Variants in ERLIN1 observed in about 807,000 individuals in gnomAD.
ERLIN1 encodes the protein erlin-1.
ERLIN1 carries 24 observed loss-of-function variants against 46.9 expected under a neutral mutation model. The ratio of observed to expected loss-of-function variants is 0.51; its 90% CI spans 0.37 to 0.72. The LOEUF (loss-of-function observed/expected upper bound fraction) is 0.72, where lower values mean the gene tolerates loss of function less well. Ranked by LOEUF, ERLIN1 falls within the 30% of genes least tolerant of loss-of-function variation. ERLIN1 has a pLI of 0.00. For synonymous variants in ERLIN1, 158 were observed against 143.2 expected, an observed-to-expected ratio of 1.10 and a Z score of -0.74; for missense variants, 293 against 417.9, an observed-to-expected ratio of 0.70 and a Z score of 2.61.
chr10:100,168,884 G>A (rs12266484), intron 6 of ERLIN1, among the ~76,000 whole-genome samples: 11,350 of 151,982 alleles, frequency 0.075, 762 homozygotes, highest in African/African-American at 0.17. Flanking sequence ...GGGTTTCACT[G>A]TGTTGGTCAA....
At chr10:100,155,079 C>G (rs1198586135) in intron 9 of ERLIN1, 140 bp from the exon 10 acceptor site, 2 of 648,340 alleles carry the variant, frequency 3.1e-6, no homozygotes, top group Non-Finnish European at 5.4e-6. Context: ...GTCCCAGTCC[C>G]CAAACAGCAA....
intron 5 of ERLIN1, 49 bp downstream of exon 5, chr10:100,175,896 C>A: frequency 1.3e-6 from 2 of 1,565,890 alleles, no homozygotes; most frequent in Non-Finnish European, 1.7e-6. Flanking sequence ...GTAAGCTGAA[C>A]AAAGATTTCC....
chr10:100,162,094 T>C (rs913761507), intron 8 of ERLIN1, among the ~76,000 whole-genome samples: 1 of 152,090 alleles, frequency 6.6e-6, no homozygotes, highest in African/African-American at 2.4e-5. Flanking sequence ...ATCGAAGACA[T>C]TGTAAAGTTC....
chr10:100,162,913 T>C (rs917839035), intron 8 of ERLIN1, among the ~76,000 whole-genome samples: 2 of 152,194 alleles, frequency 1.3e-5, no homozygotes, highest in Non-Finnish European at 2.9e-5. Context: ...ATGTACACTG[T>C]ATCCAGGAGG....
intron 6 of ERLIN1, among the ~76,000 whole-genome samples, chr10:100,169,796 T>C (rs1252912401): frequency 6.6e-6 from 1 of 152,160 alleles, no homozygotes. Context: ...TATTGGAGGA[T>C]TGCATGAGGC....
chr10:100,184,310 G>A (rs1300102620), intron 1 of ERLIN1, among the ~76,000 whole-genome samples: 1 of 151,962 alleles, frequency 6.6e-6, no homozygotes, highest in East Asian at 1.9e-4. Context: ...TATCTACAAG[G>A]TAATTAAAAT....
chr10:100,173,779 A>G lies in ERLIN1; in HGVS notation c.504+429T>C, dbSNP rs370655671. 2.6e-5 allele frequency among the ~76,000 whole-genome samples: 4 copies of G among 152,184 alleles called. No homozygotes were observed. The East Asian group carries it at 7.7e-4, about 29-fold the overall frequency. On this transcript the variant is annotated intron_variant, in intron 6 of 10. Transcript: ENST00000421367. Reference sequence around the variant, plus strand: ...ACACACTGTCTTCCAATGTTCTCTTACTCTTACAGCAATAATCATTCAATA... The same window carrying G: ...ACACACTGTCTTCCAATGTTCTCTTGCTCTTACAGCAATAATCATTCAATA...
chr10:100,177,253 C>T (rs1179594278), intron 4 of ERLIN1, among the ~76,000 whole-genome samples: 1 of 152,010 alleles, frequency 6.6e-6, no homozygotes, highest in African/African-American at 2.4e-5. Flanking sequence ...ATCATCAGTC[C>T]CTTCCCTTTT....
intron 7 of ERLIN1, among the ~76,000 whole-genome samples, chr10:100,164,784 T>G (rs1261756500): frequency 6.6e-6 from 1 of 152,134 alleles, no homozygotes; most frequent in Non-Finnish European, 1.5e-5. Context: ...AAGGTAAACT[T>G]TGTTTCATGC....
chr10:100,154,736 G>T, intron 10 of ERLIN1, 124 bp downstream of exon 10: 1 of 720,050 alleles, frequency 1.4e-6, no homozygotes. Flanking sequence ...AATTCTGGAG[G>T]ATGTCTTGGT....
intron 9 of ERLIN1, among the ~76,000 whole-genome samples, chr10:100,155,514 A>T (rs76434217): frequency 0.067 from 8,969 of 134,836 alleles, 906 homozygotes; most frequent in African/African-American, 0.26. Context: ...ATTTATTTTT[A>T]ATTTTTTTTT....
intron 4 of ERLIN1, among the ~76,000 whole-genome samples, chr10:100,177,875 T>G (rs1844399295): frequency 6.6e-6 from 1 of 152,202 alleles, no homozygotes; most frequent in African/African-American, 2.4e-5. Context: ...AAATACTACT[T>G]TCCTATTCTA....
intron 6 of ERLIN1, among the ~76,000 whole-genome samples, chr10:100,171,584 A>T (rs972584546): frequency 2.6e-5 from 4 of 151,986 alleles, no homozygotes; most frequent in Non-Finnish European, 5.9e-5. Flanking sequence ...TTTTTAAAAA[A>T]ATTTTTTGTG....
chr10:100,165,613 C>G (rs1191447823), intron 7 of ERLIN1, among the ~76,000 whole-genome samples: 1 of 152,120 alleles, frequency 6.6e-6, no homozygotes, highest in African/African-American at 2.4e-5. Flanking sequence ...GTCTCGATCT[C>G]CTGACCTCGT....
chr10:100,153,751 G>A (rs1842926146), intron 10 of ERLIN1, among the ~76,000 whole-genome samples: 1 of 152,164 alleles, frequency 6.6e-6, no homozygotes, highest in South Asian at 2.1e-4. Context: ...GAATAAGGTA[G>A]ACCTCAATGG....
chr10:100,161,651 C>T (rs1843368941), intron 8 of ERLIN1, among the ~76,000 whole-genome samples: 1 of 152,088 alleles, frequency 6.6e-6, no homozygotes. Flanking sequence ...GAAATAGTTA[C>T]ACAACTCACT....
intron 8 of ERLIN1, among the ~76,000 whole-genome samples, chr10:100,158,751 G>A (rs1473861050): frequency 2.0e-5 from 3 of 152,156 alleles, no homozygotes; most frequent in Admixed American, 6.5e-5. Context: ...CTAAGGTACT[G>A]TTCAAGAAGA....
At chr10:100,165,537 C>T (rs894170423) in intron 7 of ERLIN1, among the ~76,000 whole-genome samples, 5 of 151,924 alleles carry the variant, frequency 3.3e-5, no homozygotes, top group African/African-American at 9.7e-5. Context: ...CAGGCGCCCA[C>T]CACCATGCCT....
At chr10:100,178,036 T>C (rs1844410894) in intron 4 of ERLIN1, 97 bp downstream of exon 4, 1 of 806,420 alleles carries the variant, frequency 1.2e-6, no homozygotes, top group Admixed American at 2.5e-5. Context: ...AATGAAGTCA[T>C]AAAACTTTCA....
Sources: allele counts gnomAD v4.1 joint callset (sites outside exome capture counted in the v4.1 genomes callset), GRCh38; gene constraint gnomAD v4.1.1; transcripts MANE v1.5; gene names NCBI Gene and HGNC (gene_info 2026-07-23, HGNC 2026-07-21).